Variants in FGD3 observed in about 807,000 individuals in gnomAD.
FGD3 encodes the protein FYVE, RhoGEF and PH domain-containing protein 3.
In FGD3, 45 loss-of-function variants were observed where a neutral mutation model predicts 71.8. The ratio of observed to expected loss-of-function variants is 0.63; its 90% CI spans 0.49 to 0.80. FGD3 has a LOEUF of 0.80. FGD3 is among the 30% of genes least tolerant of loss of function. FGD3 has a pLI of 0.00. For synonymous variants in FGD3, 378 were observed against 392.8 expected, an observed-to-expected ratio of 0.96 and a Z score of 0.44; for missense variants, 844 against 951.5, an observed-to-expected ratio of 0.89 and a Z score of 1.49.
intron 1 of FGD3, among the ~76,000 whole-genome samples, chr9:92,967,523 A>G (rs1859374835): frequency 6.6e-6 from 1 of 152,196 alleles, no homozygotes; most frequent in Non-Finnish European, 1.5e-5. Flanking sequence ...TTCACTTAGC[A>G]TAATGTCCTC....
chr9:92,956,742 G>T (rs35031762), intron 1 of FGD3, among the ~76,000 whole-genome samples: 1 of 151,818 alleles, frequency 6.6e-6, no homozygotes, highest in Non-Finnish European at 1.5e-5. Context: ...GGGCACCTCT[G>T]TTCTGACTTC....
At chr9:92,995,050 T>C (rs1860577288) in intron 3 of FGD3, among the ~76,000 whole-genome samples, 1 of 152,250 alleles carries the variant, frequency 6.6e-6, no homozygotes, top group African/African-American at 2.4e-5. Flanking sequence ...ATTGAATCTA[T>C]AAATTACCTT....
chr9:92,971,772 G>A (rs1468520439), intron 1 of FGD3, among the ~76,000 whole-genome samples: 1 of 151,550 alleles, frequency 6.6e-6, no homozygotes, highest in Non-Finnish European at 1.5e-5. Flanking sequence ...AGCCCTGTGA[G>A]GTATACTTGG....
At chr9:93,013,810 C>G in intron 8 of FGD3, 42 bp from the exon 9 acceptor site, 1 of 1,608,718 alleles carries the variant, frequency 6.2e-7, no homozygotes, top group Non-Finnish European at 8.5e-7. Context: ...TCACCAGCCA[C>G]TCTCACAGAC....
chr9:93,014,031 G>GCCT (rs1861555426), intron 9 of FGD3, 33 bp downstream of exon 9: 3 of 1,579,862 alleles, frequency 1.9e-6, no homozygotes, highest in Non-Finnish European at 2.6e-6. Context: ...CAGCCGCAGA[G>GCCT]CCTCCCTTGC....
chr9:92,999,062 C>T (rs1336979176), intron 3 of FGD3, among the ~76,000 whole-genome samples: 1 of 152,212 alleles, frequency 6.6e-6, no homozygotes, highest in Non-Finnish European at 1.5e-5. Context: ...CTATGCCCTA[C>T]CCCCAGAGGT....
At position 93,011,835 on chromosome 9, in the gene FGD3, AAC is replaced by A. The variant is rs559704191; in HGVS notation, c.1035+565_1035+566del. Among the ~76,000 whole-genome samples, 115 of 148,386 alleles carry A rather than the reference AAC, an allele frequency of 7.8e-4. 1 individual carries two copies. In the South Asian group the frequency reaches 9.1e-3, roughly 12 times the overall value. Reference sequence around the variant, plus strand: ...CGTGCCACTGCACTCCAGCCTGTGCAACAGAGTGAGACTCCGTCTCAAAAAAA... The same window carrying A: ...CGTGCCACTGCACTCCAGCCTGTGCAAGAGTGAGACTCCGTCTCAAAAAAA... On this transcript the variant is annotated intron_variant, in intron 8 of 17. Transcript: ENST00000375482.
intron 3 of FGD3, among the ~76,000 whole-genome samples, chr9:92,984,665 G>A (rs894322416): frequency 6.6e-6 from 1 of 152,120 alleles, no homozygotes; most frequent in African/African-American, 2.4e-5. Flanking sequence ...TGAATTCAGA[G>A]GTCAGGTAAA....
At chr9:92,961,720 G>A (rs1220130200) in intron 1 of FGD3, among the ~76,000 whole-genome samples, 4 of 152,160 alleles carry the variant, frequency 2.6e-5, no homozygotes, top group Non-Finnish European at 5.9e-5. Context: ...TCATCTGAAG[G>A]CCTGACTGAA....
rs749164769 is a variant in FGD3 at position 92,987,390 on chromosome 9, C to G, written c.453+10681C>G. ...GAGCTTGCAGAGAGCCGAGATAGTG[C>G]CACTGCACTCCAGCCTGGACGACAG... On this transcript the variant is annotated intron_variant, in intron 3 of 17. Coordinates refer to ENST00000375482, the MANE Select transcript of FGD3 (RefSeq NM_001083536.2). Among the ~76,000 whole-genome samples, 44 of 150,382 alleles carry G rather than the reference C, an allele frequency of 2.9e-4. 1 individual carries two copies. Among genetic ancestry groups the G allele is most frequent in the Non-Finnish European group, 5.3e-4 (36 of 67,800 alleles).
intron 13 of FGD3, among the ~76,000 whole-genome samples, chr9:93,021,126 G>A (rs1302820889): frequency 6.6e-6 from 1 of 152,212 alleles, no homozygotes. Context: ...GTACCACTCT[G>A]TCTGGTCTAG....
chr9:92,977,350 G>A (rs746314330), intron 3 of FGD3, among the ~76,000 whole-genome samples: 20 of 152,148 alleles, frequency 1.3e-4, no homozygotes, highest in Non-Finnish European at 2.6e-4. Flanking sequence ...TTGGGGAGAT[G>A]GAGAGGCAGC....
chr9:92,983,541 G>T (rs981335743), intron 3 of FGD3, among the ~76,000 whole-genome samples: 2 of 151,982 alleles, frequency 1.3e-5, no homozygotes, highest in Non-Finnish European at 2.9e-5. Context: ...ACCAAAAAAC[G>T]AAAAACAGTT....
chr9:92,995,224 C>T (rs1564154464), intron 3 of FGD3, among the ~76,000 whole-genome samples: 2 of 152,050 alleles, frequency 1.3e-5, no homozygotes, highest in African/African-American at 4.8e-5. Flanking sequence ...GTATTTTATT[C>T]CCTTTGAAGC....
Position 93,003,927 on chromosome 9 carries a change from G to A in FGD3, c.544-74G>A, listed in dbSNP as rs188842630. The stretch of plus-strand genomic sequence containing the variant: ...CGGCCCCTCCCGAGCGCCCTCACCT[G>A]TGGCCGAAGCGGGGCGGCAACTGTG... On this transcript the variant is annotated intron_variant, in intron 4 of 17. Transcript: ENST00000375482. This position sits in a 1 kb window ranked among gnomAD's most constrained non-coding sequence, Gnocchi z 4.1. 2 of 1,589,182 alleles carry A rather than the reference G, an allele frequency of 1.3e-6. No homozygotes were observed. Among genetic ancestry groups the A allele is most frequent in the African/African-American group, 1.3e-5 (1 of 74,674 alleles).
chr9:92,991,911 G>A (rs1860426206), intron 3 of FGD3, among the ~76,000 whole-genome samples: 1 of 151,874 alleles, frequency 6.6e-6, no homozygotes, highest in South Asian at 2.1e-4. Flanking sequence ...GTCTTTCTTT[G>A]TTTCTTTTTA....
chr9:93,026,006 G>A (rs1298281348), intron 14 of FGD3, among the ~76,000 whole-genome samples: 2 of 152,348 alleles, frequency 1.3e-5, no homozygotes, highest in Non-Finnish European at 2.9e-5. Context: ...GCGCCTCACA[G>A]CCTGTGTCCC....
chr9:93,007,937 C>T (rs1486831097), intron 6 of FGD3, among the ~76,000 whole-genome samples: 1 of 152,186 alleles, frequency 6.6e-6, no homozygotes, highest in Non-Finnish European at 1.5e-5. Flanking sequence ...GTCCATAGTG[C>T]CCAGGCTGAG....
chr9:93,004,005 T>C lies in FGD3; in HGVS notation c.548T>C (p.Phe183Ser). Residue 183 changes from phenylalanine to serine, a missense_variant, in exon 5 of 18, where the codon TTC (phenylalanine) becomes TCC (serine). Phe to Ser is a radical substitution (Grantham distance 155). Coordinates refer to ENST00000375482, the MANE Select transcript of FGD3 (RefSeq NM_001083536.2). ...VKRLHLLDQV[F>S]CTRLTDAGIP... ...CGTGGGCTTCTCTATGCTCAGGTTT[T>C]CTGCACCAGGCTGACGGATGCGGGG... 6.2e-7 allele frequency: 1 copy of C among 1,614,156 alleles called. No homozygotes were observed. The highest frequency in any genetic ancestry group is 8.5e-7 in the Non-Finnish European group (1 of 1,180,044).
Sources: gnomAD v4.1 joint callset for allele counts (sites outside exome capture counted in the v4.1 genomes callset) on GRCh38, gnomAD v4.1.1 for gene constraint, Gnocchi (gnomAD v3.1) non-coding constraint, MANE v1.5 for transcripts, NCBI Gene and HGNC (gene_info 2026-07-23, HGNC 2026-07-21) for gene names.